The following DPP10 variants were observed in gnomAD, a reference collection of about 807,000 sequenced individuals.
DPP10 encodes dipeptidyl peptidase like 10.
DPP10 carries 33 observed loss-of-function variants against 120.9 expected under a neutral mutation model. The ratio of observed to expected loss-of-function variants is 0.27; its 90% CI spans 0.21 to 0.37. The LOEUF is 0.37. Among genes scored for constraint, DPP10 ranks in the 10% least tolerant of loss-of-function variants. DPP10 has a pLI of 1.00. For missense variants in DPP10, 816 were observed against 942.8 expected (o/e 0.87, Z 1.76); for synonymous variants, 337 against 326.1 (o/e 1.03, Z -0.36).
Position 114,942,320 on chromosome 2 carries a change from T to TATATATAC in DPP10, c.61-366918_61-366917insTATATACA, listed in dbSNP as rs869121143. ...ATACATATATATATATATATATATA[T>TATATATAC]ACACACACATATATATATACGTATA... On this transcript the variant is annotated intron_variant, in intron 1 of 25. Coordinates refer to ENST00000410059, the MANE Select transcript of DPP10 (RefSeq NM_020868.6). 4.1e-3 allele frequency among the ~76,000 whole-genome samples: 506 copies of TATATATAC among 123,928 alleles called. 8 individuals carry two copies. Among genetic ancestry groups the TATATATAC allele is most frequent in the African/African-American group, 0.015 (492 of 32,040 alleles). The allele number at this position is 123,928 out of a possible 152,430, so 81.3% of individuals were successfully genotyped here. A position where few individuals can be genotyped will look rare whatever the true frequency, so the allele number is the denominator to read the frequency against.
intron 2 of DPP10, among the ~76,000 whole-genome samples, chr2:115,340,702 G>T (rs1208981001): frequency 6.6e-6 from 1 of 151,286 alleles, no homozygotes; most frequent in Non-Finnish European, 1.5e-5. Context: ...AACTCATTAG[G>T]AACAAACTAA....
intron 1 of DPP10, among the ~76,000 whole-genome samples, chr2:114,552,349 C>T (rs894955683): frequency 3.3e-5 from 5 of 151,796 alleles, no homozygotes; most frequent in African/African-American, 9.7e-5. Context: ...TACAAGTTTG[C>T]TCCTGTATTT....
intron 1 of DPP10, among the ~76,000 whole-genome samples, chr2:114,810,991 C>T (rs1351346477): frequency 6.6e-6 from 1 of 152,156 alleles, no homozygotes; most frequent in Non-Finnish European, 1.5e-5. Flanking sequence ...ATGATTGTCA[C>T]CACCTGTTAT....
chr2:115,316,856 C>T (rs549624484), intron 2 of DPP10, among the ~76,000 whole-genome samples: 2 of 152,048 alleles, frequency 1.3e-5, no homozygotes, highest in Non-Finnish European at 2.9e-5. Context: ...GCCTGTAATC[C>T]CAGCACTTGA....
At chr2:115,201,494 T>C (rs1034162795) in intron 1 of DPP10, among the ~76,000 whole-genome samples, 17 of 152,130 alleles carry the variant, frequency 1.1e-4, no homozygotes, top group Admixed American at 7.2e-4. Flanking sequence ...AATAAAAACA[T>C]AGAACCATTT....
chr2:115,588,206 G>A (rs1013023024), intron 5 of DPP10, among the ~76,000 whole-genome samples: 1 of 152,118 alleles, frequency 6.6e-6, no homozygotes, highest in Non-Finnish European at 1.5e-5. Context: ...GTATCTGTGT[G>A]TAAGAAATAT....
intron 5 of DPP10, among the ~76,000 whole-genome samples, chr2:115,569,481 T>C (rs1208939428): frequency 6.6e-6 from 1 of 152,240 alleles, no homozygotes; most frequent in Non-Finnish European, 1.5e-5. Context: ...CAGATATTAA[T>C]TATACTTGGT....
At chr2:114,808,413 A>T (rs1684914472) in intron 1 of DPP10, among the ~76,000 whole-genome samples, 1 of 152,168 alleles carries the variant, frequency 6.6e-6, no homozygotes, top group Non-Finnish European at 1.5e-5. Flanking sequence ...TAAGTTTTAG[A>T]GTATGCAATA....
intron 3 of DPP10, among the ~76,000 whole-genome samples, chr2:115,406,663 A>G (rs1274638341): frequency 2.6e-5 from 4 of 152,306 alleles, no homozygotes; most frequent in African/African-American, 4.8e-5. Flanking sequence ...AGACAAAAAC[A>G]TATTTTAAAC....
At chr2:115,491,978 T>C (rs1352084605) in intron 3 of DPP10, among the ~76,000 whole-genome samples, 1 of 152,166 alleles carries the variant, frequency 6.6e-6, no homozygotes, top group Non-Finnish European at 1.5e-5. Flanking sequence ...GGGCTAGTTG[T>C]GAAGTAGATG....
At chr2:114,615,174 T>C (rs1693585700) in intron 1 of DPP10, among the ~76,000 whole-genome samples, 1 of 152,184 alleles carries the variant, frequency 6.6e-6, no homozygotes, top group Non-Finnish European at 1.5e-5. Context: ...TTGTTTGCTG[T>C]TTTATTTTCT....
At chr2:115,243,491 CATTT>C (rs544495095) in intron 1 of DPP10, among the ~76,000 whole-genome samples, 14 of 152,180 alleles carry the variant, frequency 9.2e-5, no homozygotes, top group African/African-American at 3.1e-4. Context: ...CTCACATTTT[CATTT>C]AATTTTACAT....
chr2:115,380,039 G>T (rs894342769), intron 3 of DPP10, among the ~76,000 whole-genome samples: 1 of 152,132 alleles, frequency 6.6e-6, no homozygotes, highest in East Asian at 1.9e-4. Context: ...TTCATTTGGG[G>T]TGGAGAGTTC....
intron 1 of DPP10, among the ~76,000 whole-genome samples, chr2:115,134,350 T>C (rs1235656882): frequency 6.6e-6 from 1 of 152,024 alleles, no homozygotes; most frequent in Non-Finnish European, 1.5e-5. Context: ...TTCTTTGGGG[T>C]TGAGGAATGG....
At chr2:115,451,713 G>A (rs1225383520) in intron 3 of DPP10, among the ~76,000 whole-genome samples, 4 of 151,780 alleles carry the variant, frequency 2.6e-5, no homozygotes, top group Admixed American at 2.0e-4. Flanking sequence ...AATTTCAAAT[G>A]TATCTTTCAA....
intron 1 of DPP10, among the ~76,000 whole-genome samples, chr2:114,637,663 G>A (rs1197925201): frequency 1.3e-5 from 2 of 151,802 alleles, no homozygotes; most frequent in Non-Finnish European, 2.9e-5. Flanking sequence ...ATTTTTATAT[G>A]TGCTGACAGG....
At chr2:115,042,914 C>T (rs559369983) in intron 1 of DPP10, among the ~76,000 whole-genome samples, 67 of 152,138 alleles carry the variant, frequency 4.4e-4, no homozygotes, top group African/African-American at 1.5e-3. Flanking sequence ...ATGTGAAACC[C>T]TTGGACTTCA....
At chr2:115,755,160 A>G (rs901060100) in intron 11 of DPP10, among the ~76,000 whole-genome samples, 2 of 152,110 alleles carry the variant, frequency 1.3e-5, no homozygotes, top group African/African-American at 2.4e-5. Flanking sequence ...TTAGTTTCGC[A>G]TGTTTTTAAA....
At chr2:114,678,055 T>A (rs1698783995) in intron 1 of DPP10, among the ~76,000 whole-genome samples, 2 of 152,136 alleles carry the variant, frequency 1.3e-5, no homozygotes. Flanking sequence ...TTGATTAGGT[T>A]TTTGCTGCAG....
Sources: gnomAD v4.1 joint callset for allele counts (sites outside exome capture counted in the v4.1 genomes callset) on GRCh38, gnomAD v4.1.1 for gene constraint, MANE v1.5 for transcripts, NCBI Gene and HGNC (gene_info 2026-07-23, HGNC 2026-07-21) for gene names.